The following SNX18 variants were observed in gnomAD, a reference collection of about 807,000 sequenced individuals.
The protein encoded by SNX18 is sorting nexin-18.
In SNX18, 35 loss-of-function variants were observed where a neutral mutation model predicts 48.7. The ratio of observed to expected loss-of-function variants is 0.72; its 90% confidence interval spans 0.55 to 0.95. SNX18 has a LOEUF of 0.95. Among genes scored for constraint, SNX18 ranks in the 40% least tolerant of loss-of-function variants. The probability of loss-of-function intolerance (pLI) is 0.00; values close to 1 mark genes in which losing one functional copy is unlikely to be tolerated. For synonymous variants in SNX18, 492 were observed against 384.7 expected, an observed-to-expected ratio of 1.28 and a Z score of -3.26; for missense variants, 824 against 871.0, an observed-to-expected ratio of 0.95 and a Z score of 0.68.
the SNX18 span, among the ~76,000 whole-genome samples, chr5:54,561,503 A>ATTTTTTTT: frequency 7.3e-6 from 1 of 136,612 alleles, no homozygotes; most frequent in African/African-American, 2.8e-5. Context: ...ACGCCCAGCT[A>ATTTTTTTT]ATTTTTTTTT....
the SNX18 span, among the ~76,000 whole-genome samples, chr5:54,622,934 A>G: frequency 6.6e-6 from 1 of 152,224 alleles, no homozygotes; most frequent in African/African-American, 2.4e-5. Flanking sequence ...AAATGTTTGA[A>G]GCAGAAAAGA....
the SNX18 span, chr5:54,645,442 C>T: frequency 6.6e-6 from 1 of 152,230 alleles, no homozygotes; most frequent in Non-Finnish European, 1.5e-5. Context: ...TAAGCCTTCC[C>T]TCCTGGGCTA....
At chr5:54,625,728 G>A in the SNX18 span, among the ~76,000 whole-genome samples, 2 of 152,168 alleles carry the variant, frequency 1.3e-5, no homozygotes, top group African/African-American at 4.8e-5. Context: ...GCTGTCTAGG[G>A]GAAATCATCT....
chr5:54,595,595 T>C, the SNX18 span, among the ~76,000 whole-genome samples: 1 of 152,210 alleles, frequency 6.6e-6, no homozygotes, highest in African/African-American at 2.4e-5. Flanking sequence ...CTAATTTACA[T>C]TCCCACTGAC....
At chr5:54,626,396 G>A in the SNX18 span, among the ~76,000 whole-genome samples, 1 of 152,090 alleles carries the variant, frequency 6.6e-6, no homozygotes, top group Non-Finnish European at 1.5e-5. Context: ...GGCTCAAGTG[G>A]TCCTCCCACC....
the SNX18 span, among the ~76,000 whole-genome samples, chr5:54,638,729 T>C: frequency 6.6e-6 from 1 of 152,196 alleles, no homozygotes; most frequent in Non-Finnish European, 1.5e-5. Context: ...ACAAGATATG[T>C]ATTTTTATTA....
Position 54,518,575 on chromosome 5 carries a change from G to A in SNX18, c.623G>A (p.Gly208Asp), listed in dbSNP as rs1474896151. The A allele has an allele frequency of 3.2e-6, 5 of 1,579,660 alleles. No individual in the cohort carries two copies. Among genetic ancestry groups the A allele is most frequent in the South Asian group, 1.2e-5 (1 of 86,002 alleles). Reference sequence around the variant, plus strand: ...GACCTGTCCCTGGGTTCCCGCGGCGGCTCGGTCCCCCCGCAGCACCACCCG... The same window carrying A: ...GACCTGTCCCTGGGTTCCCGCGGCGACTCGGTCCCCCCGCAGCACCACCCG... ...RSDLSLGSRGGSVPPQHHPSG... is the reference protein window; with the variant it reads ...RSDLSLGSRGDSVPPQHHPSG... The change falls in exon 1 of 2, where the codon GGC (glycine) becomes GAC (aspartate). Residue 208 changes from glycine (G) to aspartate (D), a missense_variant. By Grantham distance (94) the Gly-to-Asp change is moderately conservative. Around this residue, in one of 3 missense-constraint regions of SNX18, gnomAD observed 377 missense variants for 350.6 expected, o/e 1.08. Transcript: ENST00000381410.
chr5:54,592,075 G>A, the SNX18 span, among the ~76,000 whole-genome samples: 213 of 152,304 alleles, frequency 1.4e-3, no homozygotes, highest in Middle Eastern at 0.02. Flanking sequence ...TTTAACAAAT[G>A]TGATGGCAAC....
chr5:54,630,788 C>T, the SNX18 span, among the ~76,000 whole-genome samples: 12 of 146,722 alleles, frequency 8.2e-5, no homozygotes, highest in Admixed American at 1.4e-4. Flanking sequence ...GAGCCAAGAT[C>T]GCCACTGCAC....
rs1761913649 is a variant in SNX18 at position 54,518,228 on chromosome 5, G to A, written c.276G>A (p.Ala92=). The A allele has an allele frequency of 2.1e-6, 3 of 1,409,154 alleles. No individual in the cohort carries two copies. Among genetic ancestry groups the A allele is most frequent in the South Asian group, 1.6e-5 (1 of 64,094 alleles). 87.3% of individuals were successfully genotyped at this position (1,409,154 alleles called of 1,614,324 possible). A position where few individuals can be genotyped will look rare whatever the true frequency, so the allele number is the denominator to read the frequency against. The change falls in exon 1 of 2, where the codon GCG becomes GCA. Residue 92 remains alanine (A), a synonymous_variant. Transcript: ENST00000381410. ...PPGGFEPLPV[A]PPASFKPPPD... Reference sequence around the variant, plus strand: ...GGGGCTTCGAGCCCCTGCCTGTCGCGCCCCCCGCCTCCTTCAAGCCGCCGC... The same window carrying A: ...GGGGCTTCGAGCCCCTGCCTGTCGCACCCCCCGCCTCCTTCAAGCCGCCGC...
chr5:54,622,771 G>T, the SNX18 span, among the ~76,000 whole-genome samples: 2 of 151,886 alleles, frequency 1.3e-5, no homozygotes, highest in African/African-American at 4.8e-5. Flanking sequence ...TTAACAAGAA[G>T]CCAATTCGTA....
intron 1 of SNX18, among the ~76,000 whole-genome samples, chr5:54,529,322 G>A (rs963148572): frequency 1.4e-4 from 21 of 152,148 alleles, no homozygotes; most frequent in Non-Finnish European, 2.6e-4. Flanking sequence ...GGCCTGGAGC[G>A]GGGTCTGCAG....
chr5:54,575,717 T>C, the SNX18 span, among the ~76,000 whole-genome samples: 264 of 152,126 alleles, frequency 1.7e-3, 1 homozygote, highest in Non-Finnish European at 3.1e-3. Flanking sequence ...ATGAGAAAGA[T>C]ACTAGCCCCA....
At chr5:54,623,857 T>A in the SNX18 span, among the ~76,000 whole-genome samples, 3 of 152,190 alleles carry the variant, frequency 2.0e-5, no homozygotes, top group African/African-American at 7.2e-5. Flanking sequence ...CCTTCACTCT[T>A]CAGCAGGCTC....
chr5:54,611,275 A>G, the SNX18 span, among the ~76,000 whole-genome samples: 1 of 152,218 alleles, frequency 6.6e-6, no homozygotes, highest in Admixed American at 6.5e-5. Flanking sequence ...AACATCTTCA[A>G]GGTAGCCCTA....
At chr5:54,631,621 C>T in the SNX18 span, among the ~76,000 whole-genome samples, 4 of 152,232 alleles carry the variant, frequency 2.6e-5, no homozygotes, top group South Asian at 8.3e-4. Context: ...AAAAGATATT[C>T]TTTGCCTCTC....
At chr5:54,522,984 G>T (rs563667931) in intron 1 of SNX18, among the ~76,000 whole-genome samples, 1 of 152,140 alleles carries the variant, frequency 6.6e-6, no homozygotes, top group South Asian at 2.1e-4. Flanking sequence ...GAAGAAAGAC[G>T]GTAGTTTGCT....
chr5:54,588,277 T>C, the SNX18 span, among the ~76,000 whole-genome samples: 3 of 147,070 alleles, frequency 2.0e-5, no homozygotes, highest in African/African-American at 5.0e-5. Context: ...TTCAAATACA[T>C]TGAAAGAAAA....
the SNX18 span, among the ~76,000 whole-genome samples, chr5:54,627,295 T>A: frequency 6.6e-6 from 1 of 152,204 alleles, no homozygotes; most frequent in Non-Finnish European, 1.5e-5. Context: ...ATAATCGTAC[T>A]CTTCCTATTA....
Sources: gnomAD v4.1 joint callset for allele counts (sites outside exome capture counted in the v4.1 genomes callset) on GRCh38, gnomAD v4.1.1 for gene constraint, gnomAD v4.1.1 regional missense constraint, MANE v1.5 for transcripts, NCBI Gene and HGNC (gene_info 2026-07-23, HGNC 2026-07-21) for gene names.